SUGCT: variants seen among roughly 807,000 people sequenced by gnomAD.
SUGCT encodes succinyl-CoA:glutarate CoA-transferase.
In SUGCT, 41 loss-of-function variants were observed where a neutral mutation model predicts 55.0. The observed-to-expected ratio is 0.74, with a 90% confidence interval of 0.58 to 0.97. The LOEUF (loss-of-function observed/expected upper bound fraction) is 0.97, where lower values mean the gene tolerates loss of function less well. SUGCT is among the 50% of genes least tolerant of loss of function. The pLI is 0.00. For synonymous variants in SUGCT, 187 were observed against 200.4 expected (o/e 0.93, Z 0.56); for missense variants, 568 against 547.8 (o/e 1.04, Z -0.37).
the SUGCT span, among the ~76,000 whole-genome samples, chr7:40,918,011 G>T: frequency 1.3e-5 from 2 of 152,122 alleles, no homozygotes; most frequent in Non-Finnish European, 2.9e-5. Flanking sequence ...ATATAGGAGG[G>T]CAGGCACTTT....
At chr7:40,196,086 G>A (rs1003482602) in intron 6 of SUGCT, among the ~76,000 whole-genome samples, 1 of 152,072 alleles carries the variant, frequency 6.6e-6, no homozygotes, top group Non-Finnish European at 1.5e-5. Flanking sequence ...ATATTCAGAA[G>A]CACTAAGCCA....
chr7:40,575,165 G>A (rs963233638), intron 12 of SUGCT, among the ~76,000 whole-genome samples: 1 of 151,772 alleles, frequency 6.6e-6, no homozygotes, highest in African/African-American at 2.4e-5. Flanking sequence ...AAATTCTTCG[G>A]ATCGTCTGCC....
intron 9 of SUGCT, among the ~76,000 whole-genome samples, chr7:40,328,184 GT>G (rs1796111118): frequency 1.3e-5 from 2 of 152,158 alleles, no homozygotes; most frequent in Non-Finnish European, 2.9e-5. Flanking sequence ...CAATTCTGTT[GT>G]TTACTCATCA....
intron 12 of SUGCT, among the ~76,000 whole-genome samples, chr7:40,688,037 T>C (rs2128647208): frequency 6.6e-6 from 1 of 152,372 alleles, no homozygotes; most frequent in Middle Eastern, 3.4e-3. Flanking sequence ...TTCAACAGTT[T>C]TTATTGAATA....
intron 12 of SUGCT, chr7:40,539,044 A>G (rs1794530337): frequency 6.6e-6 from 1 of 150,990 alleles, no homozygotes; most frequent in South Asian, 2.1e-4. Context: ...GTGCCACTAC[A>G]TTCCAGCCTG....
Position 40,328,402 on chromosome 7 carries a change from G to A in SUGCT, c.816+11547G>A, listed in dbSNP as rs552985869. On this transcript the variant is annotated intron_variant, in intron 9 of 13. Transcript: ENST00000335693. ...AATATAGGAGTTGGGGATGGTTTTA[G>A]CTGTTGTGAGACTCATCGTTTCTAG... Among the ~76,000 whole-genome samples, 4 of 152,312 alleles carry A rather than the reference G, an allele frequency of 2.6e-5. No homozygotes were observed. In the East Asian group the frequency reaches 5.8e-4, roughly 22 times the overall value.
chr7:40,323,756 G>A (rs568129716), intron 9 of SUGCT, among the ~76,000 whole-genome samples: 36 of 152,188 alleles, frequency 2.4e-4, no homozygotes, highest in South Asian at 6.2e-4. Context: ...ATCCCAGTGC[G>A]GATAGACTTA....
chr7:40,682,609 C>G (rs986688081), intron 12 of SUGCT, among the ~76,000 whole-genome samples: 1 of 152,178 alleles, frequency 6.6e-6, no homozygotes, highest in East Asian at 1.9e-4. Flanking sequence ...GAAATCCTCA[C>G]ACATCTGGTG....
At chr7:40,542,209 G>A (rs932173410) in intron 12 of SUGCT, among the ~76,000 whole-genome samples, 4 of 152,124 alleles carry the variant, frequency 2.6e-5, no homozygotes, top group African/African-American at 9.7e-5. Flanking sequence ...TCCTCACAAA[G>A]GCCATATGAC....
chr7:40,308,388 T>C (rs1365169787), intron 8 of SUGCT, among the ~76,000 whole-genome samples: 1 of 152,178 alleles, frequency 6.6e-6, no homozygotes, highest in Non-Finnish European at 1.5e-5. Context: ...TTAATCTCCT[T>C]GGTCTTTAGT....
intron 13 of SUGCT, among the ~76,000 whole-genome samples, chr7:40,780,199 G>C (rs1459908440): frequency 6.6e-6 from 1 of 152,064 alleles, no homozygotes; most frequent in Non-Finnish European, 1.5e-5. Context: ...TCAGGTGCTG[G>C]GTGAAGGTTT....
intron 13 of SUGCT, among the ~76,000 whole-genome samples, chr7:40,834,909 G>C (rs1256030135): frequency 6.6e-6 from 1 of 152,064 alleles, no homozygotes; most frequent in Non-Finnish European, 1.5e-5. Context: ...TCTTCTAGGA[G>C]GCTATGGATA....
chr7:41,024,870 C>T, the SUGCT span, among the ~76,000 whole-genome samples: 1 of 152,254 alleles, frequency 6.6e-6, no homozygotes, highest in Non-Finnish European at 1.5e-5. Context: ...ATACTCTAAT[C>T]GTCACTGCAC....
At chr7:40,469,248 C>T (rs1790282894) in intron 11 of SUGCT, among the ~76,000 whole-genome samples, 1 of 152,118 alleles carries the variant, frequency 6.6e-6, no homozygotes, top group Non-Finnish European at 1.5e-5. Flanking sequence ...CCTCAACCTA[C>T]ATATTTAGTT....
chr7:40,950,513 G>A, the SUGCT span, among the ~76,000 whole-genome samples: 2 of 152,170 alleles, frequency 1.3e-5, no homozygotes, highest in Non-Finnish European at 2.9e-5. Flanking sequence ...AGTGGTGAGA[G>A]AGGGCATCCC....
At chr7:40,402,496 G>A (rs532988320) in intron 9 of SUGCT, among the ~76,000 whole-genome samples, 68 of 151,794 alleles carry the variant, frequency 4.5e-4, no homozygotes, top group African/African-American at 1.6e-3. Flanking sequence ...CTTCTATGGG[G>A]GAAAATTTAT....
intron 9 of SUGCT, among the ~76,000 whole-genome samples, chr7:40,368,408 A>G (rs1784121641): frequency 6.6e-6 from 1 of 152,058 alleles, no homozygotes; most frequent in Admixed American, 6.6e-5. Flanking sequence ...TGTGGTGGCC[A>G]GACTGGTCTC....
At chr7:40,417,902 G>A (rs1250230533) in intron 9 of SUGCT, among the ~76,000 whole-genome samples, 1 of 134,126 alleles carries the variant, frequency 7.5e-6, no homozygotes, top group African/African-American at 2.8e-5. Flanking sequence ...CATTTAATTT[G>A]TTATTTTGCT....
intron 9 of SUGCT, among the ~76,000 whole-genome samples, chr7:40,446,791 C>G (rs371507815): frequency 2.4e-4 from 36 of 152,230 alleles, no homozygotes; most frequent in African/African-American, 7.9e-4. Context: ...TCTCCCAGTT[C>G]CACTCTACCA....
Sources: gnomAD v4.1 joint callset for allele counts (sites outside exome capture counted in the v4.1 genomes callset) on GRCh38, gnomAD v4.1.1 for gene constraint, MANE v1.5 for transcripts, NCBI Gene and HGNC (gene_info 2026-07-23, HGNC 2026-07-21) for gene names.